SUMF1: variants seen among roughly 807,000 people sequenced by gnomAD.
The protein encoded by SUMF1 is formylglycine-generating enzyme.
A neutral mutation model predicts 47.6 loss-of-function variants in SUMF1; 48 were observed. That is an observed-to-expected ratio of 1.01 (90% CI 0.80 to 1.28). The LOEUF is 1.28. Ranked by LOEUF, SUMF1 falls within the 50% of genes most tolerant of loss-of-function variation. SUMF1 has a pLI of 0.00. For synonymous variants in SUMF1, 230 were observed against 192.1 expected (o/e 1.20, Z -1.63); for missense variants, 571 against 485.4 (o/e 1.18, Z -1.66).
At chr3:4,291,563 G>C (rs1697744014) in intron 8 of SUMF1, among the ~76,000 whole-genome samples, 2 of 152,144 alleles carry the variant, frequency 1.3e-5, no homozygotes, top group South Asian at 2.1e-4. Flanking sequence ...TAGTGAATAA[G>C]GATTTTATAC....
rs1697470938 is a variant in SUMF1, at chr3:4,278,762, T to C, written c.1014+97568A>G. ...TGATATACATGGTATTCTTTCAAAA[T>C]GGGTTATAGGTATATAATAAAAGAA... On this transcript the variant is annotated intron_variant and NMD_transcript_variant, in intron 8 of 12. Transcript: ENST00000448413. Among the ~76,000 whole-genome samples the C allele has an allele frequency of 2.0e-5, 3 of 152,154 alleles. No homozygotes were observed. The South Asian group carries it at 6.2e-4, about 31-fold the overall frequency.
rs572301607 is a variant in SUMF1 at position 4,216,117 on chromosome 3, A to G, written c.1015-147372T>C. ...AAGCAAAAAGAACAAAGCTGGAGGCATCATGTTGCCTGACTTCAAACTATA... is the reference window on the plus strand; with the variant it reads ...AAGCAAAAAGAACAAAGCTGGAGGCGTCATGTTGCCTGACTTCAAACTATA... On this transcript the variant is annotated intron_variant and NMD_transcript_variant, in intron 8 of 12. Transcript: ENST00000448413. Among the ~76,000 whole-genome samples, 314 of 152,338 alleles carry G rather than the reference A, an allele frequency of 2.1e-3. 1 individual carries two copies. Among genetic ancestry groups the G allele is most frequent in the Middle Eastern group, 6.8e-3 (2 of 294 alleles).
intron 8 of SUMF1, among the ~76,000 whole-genome samples, chr3:4,118,496 G>T (rs1330732261): frequency 2.0e-5 from 3 of 152,072 alleles, no homozygotes; most frequent in Admixed American, 2.0e-4. Context: ...TTTTCCTGAA[G>T]AACCTTTTAG....
intron 1 of SUMF1, among the ~76,000 whole-genome samples, chr3:4,463,772 A>G (rs1379342331): frequency 2.0e-5 from 3 of 152,230 alleles, no homozygotes; most frequent in Non-Finnish European, 4.4e-5. Flanking sequence ...ATGATCCTAA[A>G]TGCCTTTCAA....
chr3:4,235,126 A>C lies in SUMF1; in HGVS notation c.1014+141204T>G, dbSNP rs116679445. ...GCTGAGAAACAACAGTGGGCTGGAC[A>C]AGAGCAACAGCAGTAGAGACAAAGG... is the stretch of plus-strand genomic sequence containing the variant. On this transcript the variant is annotated intron_variant and NMD_transcript_variant, in intron 8 of 12. Coordinates refer to the SUMF1 transcript ENST00000448413. Among the ~76,000 whole-genome samples, 825 of 152,302 alleles carry C rather than the reference A, an allele frequency of 5.4e-3. 10 individuals are homozygous for C. The highest frequency in any genetic ancestry group is 0.019 in the African/African-American group (790 of 41,574).
At chr3:4,297,891 T>C (rs1697885874) in intron 8 of SUMF1, among the ~76,000 whole-genome samples, 1 of 152,126 alleles carries the variant, frequency 6.6e-6, no homozygotes, top group Non-Finnish European at 1.5e-5. Flanking sequence ...CAGAACTTCA[T>C]AAAAACCCTG....
chr3:4,320,611 A>T (rs1457081769), intron 8 of SUMF1, among the ~76,000 whole-genome samples: 1 of 152,186 alleles, frequency 6.6e-6, no homozygotes, highest in Non-Finnish European at 1.5e-5. Context: ...TGGTGAACAA[A>T]GATTGTCTTA....
chr3:4,308,236 A>G (rs1254129195), intron 8 of SUMF1, among the ~76,000 whole-genome samples: 1 of 152,186 alleles, frequency 6.6e-6, no homozygotes, highest in Admixed American at 6.5e-5. Flanking sequence ...TTTGGTTTGA[A>G]TATGTTTGAA....
Position 4,340,566 on chromosome 3 carries a change from A to G in SUMF1, c.1014+35764T>C, listed in dbSNP as rs879746568. On this transcript the variant is annotated intron_variant and NMD_transcript_variant, in intron 8 of 12. Transcript: ENST00000448413. The stretch of plus-strand genomic sequence containing the variant: ...GATGGGGGTGCAAAGGGATGTTGCC[A>G]GAGAGGACTCAGGTGGAGTTAGGAG... Among the ~76,000 whole-genome samples, 4 of 152,316 alleles carry G rather than the reference A, an allele frequency of 2.6e-5. No homozygotes were observed. The Middle Eastern group carries it at 0.01, about 389-fold the overall frequency.
intron 8 of SUMF1, among the ~76,000 whole-genome samples, chr3:4,329,469 G>A (rs573578338): frequency 4.6e-5 from 7 of 152,334 alleles, no homozygotes; most frequent in East Asian, 1.9e-4. Context: ...CAATGCTTAC[G>A]GTTTGCACCC....
At chr3:4,216,571 C>G (rs1442984595) in intron 8 of SUMF1, among the ~76,000 whole-genome samples, 3 of 151,972 alleles carry the variant, frequency 2.0e-5, no homozygotes, top group South Asian at 2.1e-4. Flanking sequence ...AGCTTCTGCA[C>G]AGCAAAAGAA....
chr3:4,305,546 T>G (rs1268306986), intron 8 of SUMF1, among the ~76,000 whole-genome samples: 1 of 152,218 alleles, frequency 6.6e-6, no homozygotes, highest in Non-Finnish European at 1.5e-5. Context: ...AAGGGGATTC[T>G]CTATAGAATG....
intron 3 of SUMF1, among the ~76,000 whole-genome samples, chr3:4,447,628 G>C (rs1702825662): frequency 6.6e-6 from 1 of 151,956 alleles, no homozygotes; most frequent in Admixed American, 6.6e-5. Context: ...GACCTTATGA[G>C]GAGGATGAAA....
chr3:4,452,129 CT>C (rs1027989075), intron 2 of SUMF1, among the ~76,000 whole-genome samples: 1 of 147,952 alleles, frequency 6.8e-6, no homozygotes, highest in Non-Finnish European at 1.5e-5. Context: ...CATTTGGGGT[CT>C]TAAAAAAAAA....
chr3:4,171,714 T>A (rs1356939155), intron 8 of SUMF1, among the ~76,000 whole-genome samples: 1 of 152,096 alleles, frequency 6.6e-6, no homozygotes, highest in Non-Finnish European at 1.5e-5. Context: ...ATGTTCCAGA[T>A]AAATGGGCTT....
chr3:4,466,913 C>T, intron 1 of SUMF1, 63 bp downstream of exon 1: 1 of 1,575,142 alleles, frequency 6.3e-7, no homozygotes, highest in Non-Finnish European at 8.6e-7. Context: ...CTTGCTTTGC[C>T]TACTCCAACC....
chr3:4,423,431 T>C (rs946754071), intron 3 of SUMF1, among the ~76,000 whole-genome samples: 3 of 152,122 alleles, frequency 2.0e-5, no homozygotes, highest in African/African-American at 4.8e-5. Context: ...AGTTTATGTA[T>C]AGAAGTCCCT....
chr3:4,449,369 A>G (rs1702892030), intron 2 of SUMF1, 29 bp from the exon 3 acceptor site: 1 of 1,611,496 alleles, frequency 6.2e-7, no homozygotes, highest in Non-Finnish European at 8.5e-7. Flanking sequence ...ATAAAAATCC[A>G]GAAAAGGTTG....
intron 8 of SUMF1, among the ~76,000 whole-genome samples, chr3:4,078,786 C>G (rs542909144): frequency 2.6e-5 from 4 of 152,080 alleles, no homozygotes; most frequent in East Asian, 3.9e-4. Flanking sequence ...ATACAACAAC[C>G]TATGAAGTAG....
Sources: gnomAD v4.1 joint callset for allele counts (sites outside exome capture counted in the v4.1 genomes callset) on GRCh38, gnomAD v4.1.1 for gene constraint, MANE v1.5 for transcripts, NCBI Gene and HGNC (gene_info 2026-07-23, HGNC 2026-07-21) for gene names.